Variants in DOCK1 observed in about 807,000 individuals in gnomAD.
DOCK1 encodes the protein dedicator of cytokinesis 1.
A neutral mutation model predicts 262.7 loss-of-function variants in DOCK1; 138 were observed. That is an observed-to-expected ratio of 0.53 (90% CI 0.46 to 0.61). DOCK1 has a LOEUF of 0.61. DOCK1 is among the 20% of genes least tolerant of loss of function. The pLI is 0.00. For missense variants in DOCK1, 1,908 were observed against 2,370.7 expected (o/e 0.80, Z 4.05); for synonymous variants, 866 against 867.4 (o/e 1.00, Z 0.03).
chr10:126,945,126 C>G (rs912832729), intron 1 of DOCK1, among the ~76,000 whole-genome samples: 1 of 152,148 alleles, frequency 6.6e-6, no homozygotes, highest in Admixed American at 6.5e-5. Context: ...TGTGAGCCAC[C>G]GTGCCTGGCC....
At position 127,026,071 on chromosome 10, in the gene DOCK1, AAG is replaced by A. The variant is rs1554867143; in HGVS notation, c.1552-279_1552-278del. The A allele has an allele frequency of 1.7e-5, 5 of 289,104 alleles. 1 individual carries two copies. Among genetic ancestry groups the A allele is most frequent in the Admixed American group, 6.0e-5 (1 of 16,552 alleles). The allele number at this position is 289,104 out of a possible 1,614,324, so 17.9% of individuals were successfully genotyped here. A position where few individuals can be genotyped will look rare whatever the true frequency, so the allele number is the denominator to read the frequency against. Reference sequence around the variant, plus strand: ...CGAAACTCTGTATCAAAAAAAAAAAAAGAAAGAAAAAAGAATCTTAACAGTAA... The same window carrying A: ...CGAAACTCTGTATCAAAAAAAAAAAAAAAGAAAAAAGAATCTTAACAGTAA... On this transcript the variant is annotated intron_variant, in intron 15 of 51. Transcript: ENST00000623213.
chr10:127,260,008 T>C (rs2059965995), intron 29 of DOCK1, among the ~76,000 whole-genome samples: 1 of 152,172 alleles, frequency 6.6e-6, no homozygotes. Context: ...AGAGACCCTG[T>C]CCAGCTTCTC....
intron 23 of DOCK1, among the ~76,000 whole-genome samples, chr10:127,095,147 C>T (rs1401084659): frequency 1.3e-5 from 2 of 152,242 alleles, no homozygotes; most frequent in East Asian, 3.8e-4. Flanking sequence ...AGCACCCTGG[C>T]TCCAGAGCAG....
intron 23 of DOCK1, among the ~76,000 whole-genome samples, chr10:127,087,007 G>A (rs559327141): frequency 9.9e-5 from 15 of 152,130 alleles, no homozygotes; most frequent in Non-Finnish European, 1.3e-4. Flanking sequence ...CTCACTCATA[G>A]GGACAGAAAG....
At chr10:126,933,910 G>A (rs1457398322) in intron 1 of DOCK1, among the ~76,000 whole-genome samples, 1 of 152,014 alleles carries the variant, frequency 6.6e-6, no homozygotes, top group African/African-American at 2.4e-5. Context: ...CGCCTCCCAC[G>A]TTCAAGTGAT....
intron 30 of DOCK1, among the ~76,000 whole-genome samples, chr10:127,341,432 A>C (rs1037075763): frequency 2.0e-5 from 3 of 152,124 alleles, no homozygotes; most frequent in Non-Finnish European, 2.9e-5. Context: ...TTTCTCTTTT[A>C]AAAACATACT....
intron 27 of DOCK1, among the ~76,000 whole-genome samples, chr10:127,195,534 A>G: frequency 7.1e-6 from 1 of 140,658 alleles, no homozygotes; most frequent in Non-Finnish European, 1.6e-5. Flanking sequence ...CCCCCCCCCG[A>G]AGTTAATCAG....
intron 27 of DOCK1, among the ~76,000 whole-genome samples, chr10:127,209,753 G>T (rs1402514768): frequency 6.6e-6 from 1 of 152,132 alleles, no homozygotes; most frequent in Non-Finnish European, 1.5e-5. Context: ...CCACAAATGG[G>T]CAATTAAAGG....
chr10:127,082,231 A>G (rs1183042005), intron 23 of DOCK1, among the ~76,000 whole-genome samples: 1 of 152,156 alleles, frequency 6.6e-6, no homozygotes, highest in Non-Finnish European at 1.5e-5. Context: ...CTTCTTATGT[A>G]AGTAGAAATA....
At chr10:127,066,938 C>T (rs1383811023) in intron 23 of DOCK1, among the ~76,000 whole-genome samples, 1 of 152,224 alleles carries the variant, frequency 6.6e-6, no homozygotes, top group Non-Finnish European at 1.5e-5. Context: ...TCCCATTTGG[C>T]TCCTAGAGAC....
intron 4 of DOCK1, among the ~76,000 whole-genome samples, chr10:126,984,063 C>T (rs559841143): frequency 1.2e-4 from 18 of 152,152 alleles, no homozygotes; most frequent in Non-Finnish European, 2.1e-4. Context: ...GTCACCGTCT[C>T]CTCTGTCCTG....
intron 19 of DOCK1, among the ~76,000 whole-genome samples, chr10:127,039,289 GA>G (rs11321234): frequency 0.79 from 119,477 of 152,056 alleles, 47,440 homozygotes; most frequent in South Asian, 0.86. Context: ...GAAACTAGGT[GA>G]AATACATGAA....
intron 51 of DOCK1, among the ~76,000 whole-genome samples, chr10:127,449,078 C>T (rs149322431): frequency 2.8e-4 from 42 of 152,302 alleles, no homozygotes; most frequent in South Asian, 1.5e-3. Context: ...TCCCTAGAGA[C>T]GCCTCGATGG....
intron 3 of DOCK1, among the ~76,000 whole-genome samples, 163 bp from the exon 4 acceptor site, chr10:126,981,755 G>A (rs2038994029): frequency 6.6e-6 from 1 of 152,136 alleles, no homozygotes; most frequent in Admixed American, 6.5e-5. Context: ...CAAATGAGTT[G>A]CCGTCTTTTC....
intron 29 of DOCK1, among the ~76,000 whole-genome samples, chr10:127,261,408 GGT>G (rs201926823): frequency 1.1e-4 from 12 of 111,216 alleles, no homozygotes; most frequent in African/African-American, 2.2e-4. Flanking sequence ...TGTGCATGTG[GGT>G]GTGTGTGTAC....
intron 27 of DOCK1, among the ~76,000 whole-genome samples, chr10:127,171,539 C>G (rs2054572138): frequency 6.6e-6 from 1 of 152,016 alleles, no homozygotes; most frequent in Non-Finnish European, 1.5e-5. Context: ...AGGTGCCTGC[C>G]CTCACTAGGA....
intron 47 of DOCK1, among the ~76,000 whole-genome samples, chr10:127,430,216 C>T (rs932452118): frequency 6.6e-6 from 1 of 152,168 alleles, no homozygotes; most frequent in Non-Finnish European, 1.5e-5. Flanking sequence ...TGGCCCCTGA[C>T]CTGGCCCCCA....
At chr10:127,239,870 A>G (rs1264344854) in intron 27 of DOCK1, among the ~76,000 whole-genome samples, 1 of 152,186 alleles carries the variant, frequency 6.6e-6, no homozygotes, top group Non-Finnish European at 1.5e-5. Flanking sequence ...AACAAAGTAT[A>G]TAGTCCTCAT....
At chr10:127,049,761 A>G (rs2044589660) in intron 21 of DOCK1, among the ~76,000 whole-genome samples, 1 of 152,272 alleles carries the variant, frequency 6.6e-6, no homozygotes, top group African/African-American at 2.4e-5. Flanking sequence ...ATACTTTCAA[A>G]AAGTCTAAAA....
Sources: allele counts gnomAD v4.1 joint callset (sites outside exome capture counted in the v4.1 genomes callset), GRCh38; gene constraint gnomAD v4.1.1; transcripts MANE v1.5; gene names NCBI Gene and HGNC (gene_info 2026-07-23, HGNC 2026-07-21).